The following VTI1A variants were observed in gnomAD, a reference collection of about 807,000 sequenced individuals.
VTI1A encodes the protein vesicle transport through interaction with t-SNAREs homolog 1A.
VTI1A carries 22 observed loss-of-function variants against 34.9 expected under a neutral mutation model. The observed-to-expected ratio is 0.63, with a 90% CI of 0.45 to 0.90. The LOEUF is 0.90. VTI1A is among the 40% of genes least tolerant of loss of function. The pLI, the probability that VTI1A is intolerant of heterozygous loss-of-function variation, is 0.00. For synonymous variants in VTI1A, 87 were observed against 97.3 expected (o/e 0.89, Z 0.62); for missense variants, 268 against 275.6 (o/e 0.97, Z 0.20).
chr10:112,593,351 T>A (rs1258021032), intron 5 of VTI1A, among the ~76,000 whole-genome samples: 5 of 152,182 alleles, frequency 3.3e-5, no homozygotes, highest in Non-Finnish European at 5.9e-5. Flanking sequence ...TTTTCTGAGT[T>A]CGTGGTGAAA....
At chr10:112,810,985 C>T (rs190623295) in intron 7 of VTI1A, among the ~76,000 whole-genome samples, 1 of 152,292 alleles carries the variant, frequency 6.6e-6, no homozygotes, top group East Asian at 1.9e-4. Context: ...CTTCATCATA[C>T]CTTAGCTTCT....
intron 7 of VTI1A, among the ~76,000 whole-genome samples, chr10:112,722,488 A>G (rs1849848089): frequency 6.6e-6 from 1 of 152,208 alleles, no homozygotes; most frequent in South Asian, 2.1e-4. Context: ...GTGCACATGT[A>G]CCCTAGAACT....
intron 4 of VTI1A, among the ~76,000 whole-genome samples, chr10:112,531,057 CACACCTCACACA>C (rs1482807859): frequency 1.7e-4 from 19 of 112,670 alleles, no homozygotes; most frequent in African/African-American, 5.9e-4. Context: ...GGTCACGTGA[CACACCTCACACA>C]CACACACACA....
intron 7 of VTI1A, among the ~76,000 whole-genome samples, chr10:112,747,331 C>T (rs909030680): frequency 2.0e-5 from 3 of 152,186 alleles, no homozygotes; most frequent in Admixed American, 6.5e-5. Flanking sequence ...CATCGTTGTG[C>T]GAACATTACA....
At chr10:112,741,165 C>T (rs1175211508) in intron 7 of VTI1A, among the ~76,000 whole-genome samples, 1 of 152,088 alleles carries the variant, frequency 6.6e-6, no homozygotes. Flanking sequence ...TTAAGAGTGA[C>T]TATTAATGGG....
chr10:112,451,452 C>A (rs10885349), intron 1 of VTI1A, among the ~76,000 whole-genome samples: 64,500 of 152,100 alleles, frequency 0.42, 15,202 homozygotes, highest in Non-Finnish European at 0.54. Flanking sequence ...CACTTCAATT[C>A]TTGCTTCCTT....
intron 1 of VTI1A, among the ~76,000 whole-genome samples, chr10:112,456,420 T>A (rs1418156014): frequency 3.9e-3 from 138 of 35,376 alleles, no homozygotes; most frequent in African/African-American, 0.013. Context: ...AGAGTCCATC[T>A]CAAAAAAAAA....
At chr10:112,475,807 G>A (rs1023825268) in intron 3 of VTI1A, among the ~76,000 whole-genome samples, 1 of 152,126 alleles carries the variant, frequency 6.6e-6, no homozygotes, top group Non-Finnish European at 1.5e-5. Flanking sequence ...GCACTAGATG[G>A]CACTGTTTGT....
At chr10:112,514,548 T>G (rs764756529) in intron 3 of VTI1A, among the ~76,000 whole-genome samples, 1 of 151,846 alleles carries the variant, frequency 6.6e-6, no homozygotes, top group Non-Finnish European at 1.5e-5. Context: ...AACTTTGCGC[T>G]TAGTTTATTT....
At chr10:112,718,126 A>G (rs996089311) in intron 7 of VTI1A, among the ~76,000 whole-genome samples, 2 of 152,186 alleles carry the variant, frequency 1.3e-5, no homozygotes, top group Admixed American at 1.3e-4. Flanking sequence ...CCCATCTTCT[A>G]GGAATTTGCA....
chr10:112,765,392 T>C (rs1851614057), intron 7 of VTI1A, among the ~76,000 whole-genome samples: 1 of 152,160 alleles, frequency 6.6e-6, no homozygotes, highest in South Asian at 2.1e-4. Flanking sequence ...GTATTTTTGG[T>C]AGAGGCAGGA....
At chr10:112,624,643 A>T (rs1845854781) in intron 5 of VTI1A, among the ~76,000 whole-genome samples, 1 of 152,176 alleles carries the variant, frequency 6.6e-6, no homozygotes, top group African/African-American at 2.4e-5. Context: ...GGTACTTAAA[A>T]TGGCTCAAAC....
intron 7 of VTI1A, among the ~76,000 whole-genome samples, chr10:112,786,580 A>G (rs540700667): frequency 2.6e-5 from 4 of 152,216 alleles, no homozygotes; most frequent in African/African-American, 9.6e-5. Flanking sequence ...TAAATTTTTC[A>G]TAGATGCTCT....
chr10:112,505,643 G>A (rs759130180), intron 3 of VTI1A, among the ~76,000 whole-genome samples: 22 of 151,530 alleles, frequency 1.5e-4, no homozygotes, highest in Non-Finnish European at 2.8e-4. Flanking sequence ...TTCCTGTGGT[G>A]CTTACTTCTT....
chr10:112,449,272 A>G (rs1475556904), intron 1 of VTI1A: 1 of 152,244 alleles, frequency 6.6e-6, no homozygotes, highest in East Asian at 1.9e-4. Context: ...TTTTAGCAGT[A>G]GAAACATTTC....
chr10:112,496,274 A>G (rs1233150698), intron 3 of VTI1A, among the ~76,000 whole-genome samples: 1 of 145,012 alleles, frequency 6.9e-6, no homozygotes, highest in Non-Finnish European at 1.5e-5. Context: ...TGAAGTATTT[A>G]CATATGAAGG....
At chr10:112,580,001 C>T (rs1346232281) in intron 5 of VTI1A, among the ~76,000 whole-genome samples, 1 of 151,960 alleles carries the variant, frequency 6.6e-6, no homozygotes, top group African/African-American at 2.4e-5. Flanking sequence ...GAAAAAGTGA[C>T]TGGGGAAGAA....
intron 7 of VTI1A, among the ~76,000 whole-genome samples, chr10:112,705,202 C>T (rs1306926749): frequency 6.6e-6 from 1 of 152,030 alleles, no homozygotes; most frequent in Non-Finnish European, 1.5e-5. Context: ...GTGCCCAGCC[C>T]CTCTATTTTA....
chr10:112,528,076 A>G (rs1342083802), intron 4 of VTI1A, among the ~76,000 whole-genome samples: 1 of 152,180 alleles, frequency 6.6e-6, no homozygotes, highest in Non-Finnish European at 1.5e-5. Flanking sequence ...CATGGTTACT[A>G]ATGCCACTTT....
Sources: allele counts gnomAD v4.1 joint callset (sites outside exome capture counted in the v4.1 genomes callset), GRCh38; gene constraint gnomAD v4.1.1; transcripts MANE v1.5; gene names NCBI Gene and HGNC (gene_info 2026-07-23, HGNC 2026-07-21).